VAV3: variants seen among roughly 807,000 people sequenced by gnomAD.
VAV3 encodes guanine nucleotide exchange factor VAV3.
Under a neutral mutation model 131.2 loss-of-function variants are expected in VAV3, and 94 were observed. That is an observed-to-expected ratio of 0.72 (90% CI 0.61 to 0.85). The LOEUF is 0.85. Ranked by LOEUF, VAV3 falls within the 40% of genes least tolerant of loss-of-function variation. VAV3 has a pLI of 0.00. For missense variants in VAV3, 939 were observed against 1,002.7 expected (o/e 0.94, Z 0.86); for synonymous variants, 349 against 342.0 (o/e 1.02, Z -0.22).
intron 17 of VAV3, among the ~76,000 whole-genome samples, chr1:107,702,994 G>A (rs1346578722): frequency 1.3e-5 from 2 of 152,030 alleles, no homozygotes; most frequent in African/African-American, 4.8e-5. Flanking sequence ...AACAAATGGC[G>A]CAAAGCTAGC....
chr1:107,724,880 C>T (rs1044067181), intron 15 of VAV3, among the ~76,000 whole-genome samples: 3 of 25,364 alleles, frequency 1.2e-4, no homozygotes. Flanking sequence ...ATAGTAAATG[C>T]CATTTGTGCA....
At chr1:107,910,966 A>G (rs1672340049) in intron 1 of VAV3, among the ~76,000 whole-genome samples, 1 of 151,956 alleles carries the variant, frequency 6.6e-6, no homozygotes, top group African/African-American at 2.4e-5. Context: ...GGTCATCTGA[A>G]GAGCAAGACT....
intron 19 of VAV3, among the ~76,000 whole-genome samples, chr1:107,675,685 C>T (rs546457196): frequency 3.3e-5 from 5 of 152,260 alleles, no homozygotes; most frequent in African/African-American, 1.2e-4. Context: ...TGGCACCTTT[C>T]TTCAATTCTG....
chr1:107,801,114 A>C (rs1666809924), intron 2 of VAV3, among the ~76,000 whole-genome samples: 1 of 151,954 alleles, frequency 6.6e-6, no homozygotes, highest in Middle Eastern at 3.4e-3. Flanking sequence ...TATGTCTAAC[A>C]TGAGTTGGCT....
intron 20 of VAV3, among the ~76,000 whole-genome samples, chr1:107,628,441 T>C (rs1654203908): frequency 6.6e-6 from 1 of 152,086 alleles, no homozygotes. Context: ...CAGCACCTGG[T>C]TGCCCCTGGC....
chr1:107,660,918 G>T (rs915159764), intron 19 of VAV3, among the ~76,000 whole-genome samples: 4 of 152,046 alleles, frequency 2.6e-5, no homozygotes, highest in African/African-American at 9.7e-5. Context: ...AGTGTTCAGG[G>T]AAGGCACAAT....
At chr1:107,733,915 C>T (rs1218422773) in intron 15 of VAV3, among the ~76,000 whole-genome samples, 2 of 151,722 alleles carry the variant, frequency 1.3e-5, no homozygotes, top group Non-Finnish European at 2.9e-5. Flanking sequence ...ATGTCAGATT[C>T]ACTAAGGTTG....
intron 19 of VAV3, among the ~76,000 whole-genome samples, chr1:107,652,030 G>T (rs938188125): frequency 1.3e-5 from 2 of 152,138 alleles, no homozygotes; most frequent in African/African-American, 4.8e-5. Context: ...TTGAATAGGA[G>T]CTGGGTAAAA....
intron 2 of VAV3, among the ~76,000 whole-genome samples, chr1:107,824,596 T>C (rs1241772581): frequency 1.3e-5 from 2 of 152,186 alleles, no homozygotes; most frequent in Non-Finnish European, 2.9e-5. Flanking sequence ...TACTGGAACA[T>C]ATACACTATC....
intron 15 of VAV3, among the ~76,000 whole-genome samples, chr1:107,736,019 T>G (rs752205407): frequency 6.6e-6 from 1 of 151,874 alleles, no homozygotes; most frequent in Non-Finnish European, 1.5e-5. Flanking sequence ...AAGATCAAGT[T>G]GGCTTCATCC....
intron 1 of VAV3, among the ~76,000 whole-genome samples, chr1:107,944,596 G>A (rs763566564): frequency 2.6e-5 from 4 of 151,612 alleles, no homozygotes; most frequent in African/African-American, 4.8e-5. Flanking sequence ...TGAACAAAAC[G>A]CAGTTTTTTG....
At chr1:107,868,079 C>G (rs1041012227) in intron 2 of VAV3, among the ~76,000 whole-genome samples, 7 of 152,176 alleles carry the variant, frequency 4.6e-5, no homozygotes, top group African/African-American at 1.7e-4. Context: ...AGGAACCACA[C>G]AGAACCAGTC....
chr1:107,804,446 A>T (rs1302028258), intron 2 of VAV3, among the ~76,000 whole-genome samples: 1 of 152,196 alleles, frequency 6.6e-6, no homozygotes, highest in African/African-American at 2.4e-5. Context: ...CTTACAAAAA[A>T]ATCTTGTAGA....
At chr1:107,627,712 T>C (rs888348289) in intron 20 of VAV3, among the ~76,000 whole-genome samples, 7 of 152,136 alleles carry the variant, frequency 4.6e-5, no homozygotes, top group Non-Finnish European at 8.8e-5. Context: ...GAGGAGAAAT[T>C]TGAGGAAACA....
intron 20 of VAV3, among the ~76,000 whole-genome samples, chr1:107,638,704 G>A (rs1349006189): frequency 6.6e-6 from 1 of 151,880 alleles, no homozygotes; most frequent in Non-Finnish European, 1.5e-5. Flanking sequence ...ACATGCAAAG[G>A]ACCAAGGAAA....
At chr1:107,867,312 A>G (rs568984364) in intron 2 of VAV3, among the ~76,000 whole-genome samples, 5 of 152,300 alleles carry the variant, frequency 3.3e-5, no homozygotes, top group African/African-American at 1.2e-4. Context: ...TAAAAACTGG[A>G]CTTGAATAAT....
chr1:107,787,269 T>C (rs955404372), intron 2 of VAV3, among the ~76,000 whole-genome samples: 4 of 152,224 alleles, frequency 2.6e-5, no homozygotes, highest in Non-Finnish European at 5.9e-5. Flanking sequence ...CACTTCATTC[T>C]GTGCTAGATA....
At chr1:107,769,601 T>C (rs141170764) in intron 6 of VAV3, among the ~76,000 whole-genome samples, 1 of 152,236 alleles carries the variant, frequency 6.6e-6, no homozygotes, top group Non-Finnish European at 1.5e-5. Context: ...CCCAATCTAT[T>C]TGTCAATTCA....
intron 20 of VAV3, among the ~76,000 whole-genome samples, chr1:107,623,184 C>G (rs1456367834): frequency 6.6e-6 from 1 of 152,124 alleles, no homozygotes; most frequent in Non-Finnish European, 1.5e-5. Context: ...TCTAGCTCTG[C>G]TATAAAAAGA....
Sources: allele counts gnomAD v4.1 joint callset (sites outside exome capture counted in the v4.1 genomes callset), GRCh38; gene constraint gnomAD v4.1.1; transcripts MANE v1.5; gene names NCBI Gene and HGNC (gene_info 2026-07-23, HGNC 2026-07-21).